Variants in FSTL4 observed in about 807,000 individuals in gnomAD.
FSTL4 encodes follistatin-related protein 4.
FSTL4 carries 28 observed loss-of-function variants against 78.2 expected under a neutral mutation model. The observed-to-expected ratio is 0.36, with a 90% CI of 0.27 to 0.49. FSTL4 has a LOEUF of 0.49. Among genes scored for constraint, FSTL4 ranks in the 20% least tolerant of loss-of-function variants. The pLI is 0.98. For synonymous variants in FSTL4, 422 were observed against 440.5 expected (o/e 0.96, Z 0.53); for missense variants, 922 against 1,084.9 (o/e 0.85, Z 2.11).
chr5:133,600,945 A>G (rs1760853070), intron 2 of FSTL4, among the ~76,000 whole-genome samples: 1 of 152,248 alleles, frequency 6.6e-6, no homozygotes, highest in African/African-American at 2.4e-5. Context: ...GACTGTCTGC[A>G]GAAACTGCTA....
At position 133,289,709 on chromosome 5, in the gene FSTL4, C is replaced by T. The variant is rs186746079; in HGVS notation, c.727+22945G>A. Among the ~76,000 whole-genome samples, 1,121 of 152,304 alleles carry T rather than the reference C, an allele frequency of 7.4e-3. 9 individuals carry two copies. Among genetic ancestry groups the T allele is most frequent in the Admixed American group, 0.013 (198 of 15,302 alleles). ...AGCCTGTCCTGGCACAGATGTAGCC[C>T]AAAGCCTGACATTCTGCCTCCAGAG... On this transcript the variant is annotated intron_variant, in intron 6 of 15. Coordinates refer to ENST00000265342, the MANE Select transcript of FSTL4 (RefSeq NM_015082.2).
the FSTL4 span, among the ~76,000 whole-genome samples, chr5:133,721,645 T>C: frequency 1.3e-5 from 2 of 152,204 alleles, no homozygotes; most frequent in African/African-American, 4.8e-5. Flanking sequence ...AGAAATATAC[T>C]GATAGTTTAA....
chr5:133,722,910 G>A, the FSTL4 span, among the ~76,000 whole-genome samples: 1 of 152,224 alleles, frequency 6.6e-6, no homozygotes, highest in Admixed American at 6.5e-5. Context: ...CTGGGCTACA[G>A]AAGTTTGTGG....
intron 11 of FSTL4, among the ~76,000 whole-genome samples, chr5:133,221,761 T>C (rs1214973503): frequency 6.6e-6 from 1 of 152,078 alleles, no homozygotes; most frequent in East Asian, 1.9e-4. Flanking sequence ...TCCCTGTCTT[T>C]CTGTCTCCTC....
the FSTL4 span, among the ~76,000 whole-genome samples, chr5:133,836,382 G>A: frequency 1.3e-5 from 2 of 150,230 alleles, no homozygotes; most frequent in Non-Finnish European, 3.0e-5. Context: ...AAAGCCTAAA[G>A]TAAATTAGTA....
At chr5:133,736,778 A>T in the FSTL4 span, among the ~76,000 whole-genome samples, 1 of 152,198 alleles carries the variant, frequency 6.6e-6, no homozygotes, top group African/African-American at 2.4e-5. Context: ...AACCTGCAGC[A>T]TGGCTCCCCA....
chr5:133,736,421 A>T, the FSTL4 span, among the ~76,000 whole-genome samples: 2 of 152,172 alleles, frequency 1.3e-5, no homozygotes, highest in East Asian at 3.9e-4. Context: ...CTGGAATGGT[A>T]CCTCTTGTCT....
At chr5:133,489,877 G>A (rs757350608) in intron 3 of FSTL4, among the ~76,000 whole-genome samples, 1 of 152,180 alleles carries the variant, frequency 6.6e-6, no homozygotes, top group Non-Finnish European at 1.5e-5. Flanking sequence ...AGCCCTGAAA[G>A]CCAGCCTCCA....
At chr5:133,581,499 C>A (rs1465642247) in intron 2 of FSTL4, among the ~76,000 whole-genome samples, 1 of 152,266 alleles carries the variant, frequency 6.6e-6, no homozygotes, top group Non-Finnish European at 1.5e-5. Context: ...CGTGCCACAT[C>A]AGGAATCACG....
At chr5:133,219,191 C>G (rs1411676444) in intron 12 of FSTL4, among the ~76,000 whole-genome samples, 1 of 152,088 alleles carries the variant, frequency 6.6e-6, no homozygotes, top group African/African-American at 2.4e-5. Flanking sequence ...CCCATTTGGC[C>G]AACACTCACA....
the FSTL4 span, among the ~76,000 whole-genome samples, chr5:133,745,910 G>A: frequency 3.9e-5 from 6 of 152,288 alleles, no homozygotes; most frequent in Non-Finnish European, 7.4e-5. Flanking sequence ...CAAGTTCCCC[G>A]TGATGGATAT....
At chr5:133,395,865 T>C (rs144319167) in intron 4 of FSTL4, among the ~76,000 whole-genome samples, 1 of 152,192 alleles carries the variant, frequency 6.6e-6, no homozygotes, top group Non-Finnish European at 1.5e-5. Flanking sequence ...CAGGCTCCAC[T>C]GGCATTTCCT....
chr5:133,674,856 C>T, the FSTL4 span, among the ~76,000 whole-genome samples: 1 of 152,128 alleles, frequency 6.6e-6, no homozygotes, highest in African/African-American at 2.4e-5. Context: ...TGGTAGATTT[C>T]TCATGATAAT....
intron 2 of FSTL4, among the ~76,000 whole-genome samples, chr5:133,568,046 G>C (rs1446433249): frequency 6.6e-6 from 1 of 152,178 alleles, no homozygotes. Flanking sequence ...AGAACAGGCA[G>C]ATTTTCAGAC....
chr5:133,798,780 C>G, the FSTL4 span, among the ~76,000 whole-genome samples: 1 of 152,130 alleles, frequency 6.6e-6, no homozygotes, highest in Non-Finnish European at 1.5e-5. Flanking sequence ...TCCCCAAACC[C>G]ATCACCCCCA....
At chr5:133,789,240 C>T in the FSTL4 span, among the ~76,000 whole-genome samples, 1 of 152,260 alleles carries the variant, frequency 6.6e-6, no homozygotes, top group Admixed American at 6.5e-5. Context: ...AATCTGCATC[C>T]GAAGGGAACC....
At chr5:133,793,533 C>G in the FSTL4 span, among the ~76,000 whole-genome samples, 1 of 152,252 alleles carries the variant, frequency 6.6e-6, no homozygotes, top group African/African-American at 2.4e-5. Context: ...GGTCTCACAG[C>G]TGGAACATGG....
intron 6 of FSTL4, among the ~76,000 whole-genome samples, chr5:133,262,262 C>T (rs1484877478): frequency 6.6e-6 from 1 of 152,296 alleles, no homozygotes. Flanking sequence ...ACTACAGCTT[C>T]GACTGGATGA....
chr5:133,378,534 T>C (rs970092930), intron 4 of FSTL4, among the ~76,000 whole-genome samples: 1 of 152,184 alleles, frequency 6.6e-6, no homozygotes, highest in African/African-American at 2.4e-5. Flanking sequence ...CAGCTTCAAA[T>C]GACAAAATTA....
Sources: gnomAD v4.1 joint callset for allele counts (sites outside exome capture counted in the v4.1 genomes callset) on GRCh38, gnomAD v4.1.1 for gene constraint, MANE v1.5 for transcripts, NCBI Gene and HGNC (gene_info 2026-07-23, HGNC 2026-07-21) for gene names.